SLC35F2: variants seen among roughly 807,000 people sequenced by gnomAD.
The protein encoded by SLC35F2 is solute carrier family 35 member F2, also known as queuine/queuosine transporter SLC35F2.
In SLC35F2, 25 loss-of-function variants were observed where a neutral mutation model predicts 38.1. The ratio of observed to expected loss-of-function variants is 0.66; its 90% CI spans 0.48 to 0.92. The LOEUF (loss-of-function observed/expected upper bound fraction) is 0.92, where lower values mean the gene tolerates loss of function less well. Among genes scored for constraint, SLC35F2 ranks in the 40% least tolerant of loss-of-function variants. The probability of loss-of-function intolerance (pLI) is 0.00; values close to 1 mark genes in which losing one functional copy is unlikely to be tolerated. For missense variants in SLC35F2, 409 were observed against 452.9 expected (o/e 0.90, Z 0.88); for synonymous variants, 173 against 181.7 (o/e 0.95, Z 0.38).
intron 1 of SLC35F2, among the ~76,000 whole-genome samples, chr11:107,851,814 C>A (rs4754264): frequency 0.45 from 68,739 of 151,840 alleles, 15,719 homozygotes; most frequent in Admixed American, 0.54. Context: ...TATGGAGACT[C>A]GTAGAATCCA....
At chr11:107,832,869 C>G (rs576499166) in intron 1 of SLC35F2, among the ~76,000 whole-genome samples, 1 of 152,142 alleles carries the variant, frequency 6.6e-6, no homozygotes, top group African/African-American at 2.4e-5. Flanking sequence ...GAAAATATAA[C>G]ATTGGAAGGC....
chr11:107,855,850 C>T (rs1282812650), intron 1 of SLC35F2, among the ~76,000 whole-genome samples: 1 of 150,072 alleles, frequency 6.7e-6, no homozygotes, highest in East Asian at 1.9e-4. Flanking sequence ...CGGTGGCTTA[C>T]GCTTATAATC....
At chr11:107,796,637 T>TG (rs1015315974) in intron 7 of SLC35F2, among the ~76,000 whole-genome samples, 2 of 151,818 alleles carry the variant, frequency 1.3e-5, no homozygotes, top group African/African-American at 4.8e-5. Flanking sequence ...ATGTGTGGAT[T>TG]GGGGGTGGGA....
rs114651831 is a variant in SLC35F2, at chr11:107,848,662, A to G, written c.110+9996T>C. On this transcript the variant is annotated intron_variant, in intron 1 of 7. Transcript: ENST00000525815. ...CCTCCCAGCCTCCAGACTGTGAGAA[A>G]TAAGTGTCTTTGGCTTGGAAGTTAT... Among the ~76,000 whole-genome samples the G allele has an allele frequency of 7.8e-3, 1,184 of 152,306 alleles. 11 individuals carry two copies. Among genetic ancestry groups the G allele is most frequent in the African/African-American group, 0.027 (1,130 of 41,566 alleles).
At chr11:107,848,806 C>G (rs1860134168) in intron 1 of SLC35F2, among the ~76,000 whole-genome samples, 1 of 152,220 alleles carries the variant, frequency 6.6e-6, no homozygotes, top group African/African-American at 2.4e-5. Context: ...CTCCTATCCC[C>G]TACTTGTTTC....
chr11:107,843,862 AAAAAAAATATATATATATATATAT>A (rs1278967317), intron 1 of SLC35F2, among the ~76,000 whole-genome samples: 14 of 37,196 alleles, frequency 3.8e-4, no homozygotes, highest in African/African-American at 1.2e-3. Context: ...AAAAAAAAAA[AAAAAAAATATATATATATATATAT>A]ATATATATAT....
intron 1 of SLC35F2, among the ~76,000 whole-genome samples, chr11:107,825,960 T>C (rs1859748038): frequency 6.6e-6 from 1 of 152,074 alleles, no homozygotes; most frequent in Non-Finnish European, 1.5e-5. Context: ...AGCAATTTTG[T>C]CTCAAGGAAT....
intron 4 of SLC35F2, 188 bp downstream of exon 4, chr11:107,806,529 T>A (rs1859392826): frequency 3.4e-6 from 2 of 581,812 alleles, no homozygotes; most frequent in African/African-American, 3.7e-5. Context: ...GAAGATTGGA[T>A]GAATTCATAG....
intron 1 of SLC35F2, among the ~76,000 whole-genome samples, chr11:107,844,085 G>C (rs941925996): frequency 1.3e-5 from 2 of 151,698 alleles, no homozygotes. Context: ...AAATAATCCA[G>C]AACAGGCCTA....
chr11:107,803,232 T>C, intron 6 of SLC35F2, 77 bp from the exon 7 acceptor site: 2 of 1,463,086 alleles, frequency 1.4e-6, no homozygotes, highest in Non-Finnish European at 1.8e-6. Flanking sequence ...TTAGCTGTCA[T>C]ATAAAACTCC....
At chr11:107,835,548 A>G (rs1246178058) in intron 1 of SLC35F2, among the ~76,000 whole-genome samples, 6 of 151,804 alleles carry the variant, frequency 4.0e-5, no homozygotes, top group Non-Finnish European at 8.8e-5. Flanking sequence ...TTCCCACCTC[A>G]GCCCCCAAGT....
chr11:107,816,038 A>G, intron 1 of SLC35F2, 73 bp from the exon 2 acceptor site: 6 of 1,441,560 alleles, frequency 4.2e-6, no homozygotes, highest in Non-Finnish European at 5.5e-6. Flanking sequence ...ACACACACAC[A>G]CACACACACA....
At position 107,805,397 on chromosome 11, in the gene SLC35F2, C is replaced by G. The variant is rs780282786; in HGVS notation, c.693G>C (p.Met231Ile). ...KKLSRQEFLG[M>I]VGLFGTIISG... is the part of the protein sequence containing the mutation. ...TGATAATTGTTCCAAACAGGCCCACCATTCCTAAAAACTCCTGTCTGCTCA... is the reference window on the plus strand; with the variant it reads ...TGATAATTGTTCCAAACAGGCCCACGATTCCTAAAAACTCCTGTCTGCTCA... The change falls in exon 5 of 8, where the codon ATG (methionine) becomes ATC (isoleucine). Residue 231 changes from methionine (M) to isoleucine (I), a missense_variant. Met to Ile is a conservative substitution (Grantham distance 10). Coordinates refer to ENST00000525815, the MANE Select transcript of SLC35F2 (RefSeq NM_017515.5). The G allele has an allele frequency of 6.2e-7, 1 of 1,613,924 alleles. No individual in the cohort carries two copies. Among genetic ancestry groups the G allele is most frequent in the African/African-American group, 1.3e-5 (1 of 74,896 alleles).
rs1399021441 is a variant in SLC35F2, at chr11:107,792,520, G to A, written c.*95C>T. 3.6e-6 allele frequency: 5 copies of A among 1,401,314 alleles called. No homozygotes were observed. The East Asian group carries it at 9.7e-5, about 27-fold the overall frequency. The allele number at this position is 1,401,314 out of a possible 1,614,324, so 86.8% of individuals were successfully genotyped here. A position where few individuals can be genotyped will look rare whatever the true frequency, so the allele number is the denominator to read the frequency against. ...TGGATCCAACCCAGGGTTGTAGAGTGTCCATTCTGAGTCTGCTATTTCCCC... is the reference window on the plus strand; with the variant it reads ...TGGATCCAACCCAGGGTTGTAGAGTATCCATTCTGAGTCTGCTATTTCCCC... On this transcript the variant is annotated 3_prime_UTR_variant, in exon 8 of 8. Coordinates refer to ENST00000525815, the MANE Select transcript of SLC35F2 (RefSeq NM_017515.5).
At chr11:107,834,164 G>A (rs1007930622) in intron 1 of SLC35F2, among the ~76,000 whole-genome samples, 2 of 152,194 alleles carry the variant, frequency 1.3e-5, no homozygotes, top group Non-Finnish European at 2.9e-5. Context: ...GGAGCCCTTA[G>A]TGTCTTGTAA....
At chr11:107,816,816 G>A (rs2134795525) in intron 1 of SLC35F2, among the ~76,000 whole-genome samples, 1 of 152,256 alleles carries the variant, frequency 6.6e-6, no homozygotes, top group South Asian at 2.1e-4. Context: ...ATGTCCAGTA[G>A]GCAGCTTGGA....
Position 107,792,436 on chromosome 11 carries a change from C to T in SLC35F2, c.*179G>A, listed in dbSNP as rs891733488. 28 of 666,672 alleles carry T rather than the reference C, an allele frequency of 4.2e-5. No homozygotes were observed. Among genetic ancestry groups the T allele is most frequent in the Non-Finnish European group, 6.0e-5 (25 of 417,042 alleles). 41.3% of individuals were successfully genotyped at this position (666,672 alleles called of 1,614,324 possible). On this transcript the variant is annotated 3_prime_UTR_variant, in exon 8 of 8. Transcript: ENST00000525815. Reference sequence around the variant, plus strand: ...ACACACTCTTAGCTTGGTTTCTGCTCTATTTTGGTATTTCTACTTTTGAAC... The same window carrying T: ...ACACACTCTTAGCTTGGTTTCTGCTTTATTTTGGTATTTCTACTTTTGAAC...
intron 1 of SLC35F2, among the ~76,000 whole-genome samples, chr11:107,842,257 C>CAAAAAAAA (rs541185009): frequency 0.031 from 1,173 of 37,892 alleles, 352 homozygotes; most frequent in African/African-American, 0.046. Flanking sequence ...CTCCGTCTCA[C>CAAAAAAAA]AAAAAAAAAA....
intron 1 of SLC35F2, among the ~76,000 whole-genome samples, chr11:107,838,451 A>C (rs1431492548): frequency 6.6e-6 from 1 of 151,728 alleles, no homozygotes; most frequent in African/African-American, 2.4e-5. Flanking sequence ...CAGCCTCCCG[A>C]GTAGCTGGGA....
Sources: gnomAD v4.1 joint callset for allele counts (sites outside exome capture counted in the v4.1 genomes callset) on GRCh38, gnomAD v4.1.1 for gene constraint, MANE v1.5 for transcripts, NCBI Gene and HGNC (gene_info 2026-07-23, HGNC 2026-07-21) for gene names.